Variants in EPHA3 observed in about 807,000 individuals in gnomAD.
EPHA3 encodes the protein EPH receptor A3.
EPHA3 carries 42 observed loss-of-function variants against 107.1 expected under a neutral mutation model. The observed-to-expected ratio is 0.39, with a 90% confidence interval of 0.31 to 0.51. The LOEUF (loss-of-function observed/expected upper bound fraction) is 0.51, where lower values mean the gene tolerates loss of function less well. Ranked by LOEUF, EPHA3 falls within the 20% of genes least tolerant of loss-of-function variation. The pLI, the probability that EPHA3 is intolerant of heterozygous loss-of-function variation, is 0.78. For missense variants in EPHA3, 1,183 were observed against 1,211.2 expected (o/e 0.98, Z 0.35); for synonymous variants, 461 against 424.8 (o/e 1.09, Z -1.05).
At chr3:89,293,483 T>C (rs1401672178) in intron 3 of EPHA3, among the ~76,000 whole-genome samples, 4 of 152,168 alleles carry the variant, frequency 2.6e-5, no homozygotes, top group Non-Finnish European at 4.4e-5. Context: ...TTGTGCTCCA[T>C]ACACCCTCTG....
At chr3:89,307,215 G>C (rs1039490157) in intron 3 of EPHA3, among the ~76,000 whole-genome samples, 1 of 152,076 alleles carries the variant, frequency 6.6e-6, no homozygotes, top group Non-Finnish European at 1.5e-5. Flanking sequence ...GCCTAAAATT[G>C]TCTTGAATGT....
chr3:89,286,084 A>C (rs1443604070), intron 3 of EPHA3, among the ~76,000 whole-genome samples: 6 of 148,846 alleles, frequency 4.0e-5, no homozygotes, highest in Non-Finnish European at 7.4e-5. Flanking sequence ...GGCAAATGTA[A>C]GTTTCAAACT....
intron 6 of EPHA3, among the ~76,000 whole-genome samples, chr3:89,397,410 T>C (rs761040755): frequency 6.0e-4 from 92 of 152,266 alleles, no homozygotes; most frequent in Non-Finnish European, 1.2e-3. Flanking sequence ...TAAAAATCAG[T>C]AATGTGCCTC....
chr3:89,148,829 G>A (rs555433577), intron 2 of EPHA3, among the ~76,000 whole-genome samples: 2 of 151,800 alleles, frequency 1.3e-5, no homozygotes, highest in Non-Finnish European at 2.9e-5. Flanking sequence ...ACCATCTTCC[G>A]CCATTCCTAA....
chr3:89,477,887 G>A (rs1420565984), intron 16 of EPHA3, among the ~76,000 whole-genome samples: 1 of 151,992 alleles, frequency 6.6e-6, no homozygotes, highest in Non-Finnish European at 1.5e-5. Context: ...GTAAGATAGG[G>A]AATAAAGAAA....
chr3:89,180,587 A>G (rs1482778606), intron 2 of EPHA3, among the ~76,000 whole-genome samples: 1 of 152,040 alleles, frequency 6.6e-6, no homozygotes, highest in Non-Finnish European at 1.5e-5. Flanking sequence ...TGCAAAATGC[A>G]AAGTATAAGG....
At chr3:89,292,692 C>G (rs1706243755) in intron 3 of EPHA3, among the ~76,000 whole-genome samples, 1 of 152,124 alleles carries the variant, frequency 6.6e-6, no homozygotes, top group Non-Finnish European at 1.5e-5. Flanking sequence ...GTAAACTCTG[C>G]AAATCCCCCA....
chr3:89,471,493 C>T (rs751448402), intron 15 of EPHA3, among the ~76,000 whole-genome samples: 1 of 152,038 alleles, frequency 6.6e-6, no homozygotes, highest in Non-Finnish European at 1.5e-5. Flanking sequence ...TTCAGCGTCC[C>T]GAGTAGCTGG....
At chr3:89,174,032 G>A (rs543327993) in intron 2 of EPHA3, among the ~76,000 whole-genome samples, 1 of 151,974 alleles carries the variant, frequency 6.6e-6, no homozygotes, top group Non-Finnish European at 1.5e-5. Context: ...GTAGAAGCAA[G>A]GAAAAATTAC....
intron 12 of EPHA3, among the ~76,000 whole-genome samples, chr3:89,430,053 C>T (rs1431534415): frequency 1.3e-5 from 2 of 152,070 alleles, no homozygotes; most frequent in South Asian, 4.1e-4. Flanking sequence ...CATGAGCCAC[C>T]GCACCTGGCC....
intron 5 of EPHA3, among the ~76,000 whole-genome samples, chr3:89,346,220 T>A (rs1707649287): frequency 7.9e-6 from 1 of 125,834 alleles, no homozygotes; most frequent in East Asian, 2.0e-4. Context: ...TTGAACTAGT[T>A]TACAGTCCCA....
At chr3:89,189,475 C>T (rs138474973) in intron 2 of EPHA3, among the ~76,000 whole-genome samples, 2 of 152,112 alleles carry the variant, frequency 1.3e-5, no homozygotes, top group Non-Finnish European at 1.5e-5. Context: ...CACCTGTCAT[C>T]CCATCTACTT....
intron 5 of EPHA3, among the ~76,000 whole-genome samples, chr3:89,385,123 G>T (rs1479072932): frequency 6.6e-6 from 1 of 151,842 alleles, no homozygotes; most frequent in Non-Finnish European, 1.5e-5. Context: ...CTAATATACT[G>T]CATTTTCTAA....
At chr3:89,203,619 T>C (rs1254126887) in intron 2 of EPHA3, among the ~76,000 whole-genome samples, 3 of 150,606 alleles carry the variant, frequency 2.0e-5, no homozygotes, top group African/African-American at 7.3e-5. Flanking sequence ...TAAAAAAAAA[T>C]ACAAAAAATC....
chr3:89,423,639 C>T (rs1237730964), intron 11 of EPHA3, among the ~76,000 whole-genome samples: 4 of 151,262 alleles, frequency 2.6e-5, no homozygotes, highest in Admixed American at 6.6e-5. Flanking sequence ...TAAGTAACCA[C>T]ATCAACAAAA....
Position 89,480,475 on chromosome 3 carries a change from C to T in EPHA3, c.*973C>T, listed in dbSNP as rs754027602. 15 of 233,224 alleles carry T rather than the reference C, an allele frequency of 6.4e-5. No individual in the cohort carries two copies. Among genetic ancestry groups the T allele is most frequent in the Admixed American group, 1.7e-4 (3 of 17,764 alleles). The allele number at this position is 233,224 out of a possible 1,614,324, so 14.4% of individuals were successfully genotyped here. On this transcript the variant is annotated 3_prime_UTR_variant, in exon 17 of 17. Transcript: ENST00000336596. Reference sequence around the variant, plus strand: ...TCAACCAGATAACATACCTTTCCTGCTCTGGTGCTTAGAGACTATCAACTC... The same window carrying T: ...TCAACCAGATAACATACCTTTCCTGTTCTGGTGCTTAGAGACTATCAACTC...
intron 5 of EPHA3, among the ~76,000 whole-genome samples, chr3:89,372,039 G>A (rs1353252575): frequency 6.6e-6 from 1 of 151,146 alleles, no homozygotes; most frequent in Non-Finnish European, 1.5e-5. Context: ...AGCAGAGAGA[G>A]GGAGGAAAGA....
intron 2 of EPHA3, among the ~76,000 whole-genome samples, chr3:89,140,062 C>A (rs576499000): frequency 2.0e-5 from 3 of 151,886 alleles, no homozygotes; most frequent in African/African-American, 7.2e-5. Flanking sequence ...GCTTTCCATT[C>A]TCGTGAATGT....
At chr3:89,265,968 T>C (rs1705529899) in intron 3 of EPHA3, among the ~76,000 whole-genome samples, 1 of 152,054 alleles carries the variant, frequency 6.6e-6, no homozygotes, top group Non-Finnish European at 1.5e-5. Flanking sequence ...TGATTGAAAA[T>C]TTGCTTAGGA....
Sources: allele counts gnomAD v4.1 joint callset (sites outside exome capture counted in the v4.1 genomes callset), GRCh38; gene constraint gnomAD v4.1.1; transcripts MANE v1.5; gene names NCBI Gene and HGNC (gene_info 2026-07-23, HGNC 2026-07-21).